The following MACROD2 variants were observed in gnomAD, a reference collection of about 807,000 sequenced individuals.
MACROD2 encodes the protein mono-ADP ribosylhydrolase 2.
MACROD2 carries 36 observed loss-of-function variants against 70.4 expected under a neutral mutation model. The ratio of observed to expected loss-of-function variants is 0.51; its 90% CI spans 0.39 to 0.68. The LOEUF is 0.68. MACROD2 is among the 30% of genes least tolerant of loss of function. The pLI is 0.00. For synonymous variants in MACROD2, 172 were observed against 178.8 expected, an observed-to-expected ratio of 0.96 and a Z score of 0.30; for missense variants, 496 against 538.4, an observed-to-expected ratio of 0.92 and a Z score of 0.78.
intron 4 of MACROD2, among the ~76,000 whole-genome samples, chr20:14,539,748 A>G (rs2085408243): frequency 6.6e-6 from 1 of 152,244 alleles, no homozygotes; most frequent in African/African-American, 2.4e-5. Flanking sequence ...GCTAATGTAT[A>G]GACAATTTAC....
At chr20:14,144,162 T>G (rs185622040) in intron 3 of MACROD2, among the ~76,000 whole-genome samples, 3 of 152,270 alleles carry the variant, frequency 2.0e-5, no homozygotes, top group Admixed American at 1.3e-4. Flanking sequence ...TTTGAGTGTC[T>G]TAAATAATTG....
chr20:14,969,849 T>G (rs1286547225), intron 5 of MACROD2, among the ~76,000 whole-genome samples: 1 of 152,142 alleles, frequency 6.6e-6, no homozygotes, highest in Non-Finnish European at 1.5e-5. Flanking sequence ...TAGAATTGCT[T>G]TAAACATAAA....
At chr20:15,395,657 T>A (rs1039061688) in intron 6 of MACROD2, among the ~76,000 whole-genome samples, 20 of 152,212 alleles carry the variant, frequency 1.3e-4, no homozygotes, top group African/African-American at 4.8e-4. Flanking sequence ...AGCTGTTGTT[T>A]CCCGACCCCC....
At chr20:14,864,392 G>A (rs73089919) in intron 5 of MACROD2, among the ~76,000 whole-genome samples, 255 of 152,122 alleles carry the variant, frequency 1.7e-3, no homozygotes, top group Admixed American at 2.7e-3. Flanking sequence ...CAAGTCCTAT[G>A]ATAGCTTTAT....
At chr20:15,788,136 G>T (rs1044252824) in intron 8 of MACROD2, among the ~76,000 whole-genome samples, 1 of 151,082 alleles carries the variant, frequency 6.6e-6, no homozygotes, top group African/African-American at 2.4e-5. Context: ...CATGAAGGTG[G>T]TAAAGTCACT....
At chr20:15,537,411 C>T (rs1386074631) in intron 8 of MACROD2, among the ~76,000 whole-genome samples, 2 of 150,970 alleles carry the variant, frequency 1.3e-5, no homozygotes, top group East Asian at 3.9e-4. Context: ...TCATTTTGCA[C>T]ATGTTGATTA....
intron 8 of MACROD2, among the ~76,000 whole-genome samples, chr20:15,687,599 G>C (rs2050244681): frequency 6.6e-6 from 1 of 152,104 alleles, no homozygotes; most frequent in Non-Finnish European, 1.5e-5. Context: ...AGCCTCCTCA[G>C]GTTGGCCAGT....
chr20:15,477,664 T>C (rs2047040934), intron 7 of MACROD2, among the ~76,000 whole-genome samples: 1 of 152,122 alleles, frequency 6.6e-6, no homozygotes, highest in Non-Finnish European at 1.5e-5. Flanking sequence ...TTGGAGACTG[T>C]GGTAGCCTGA....
chr20:14,677,305 C>G (rs529746590), intron 4 of MACROD2, among the ~76,000 whole-genome samples: 1 of 152,290 alleles, frequency 6.6e-6, no homozygotes, highest in Admixed American at 6.5e-5. Context: ...ACTCTAAGCT[C>G]CAAGGTAATA....
intron 3 of MACROD2, among the ~76,000 whole-genome samples, chr20:14,101,993 CTTTTTT>C (rs66890047): frequency 1.4e-3 from 35 of 25,052 alleles, no homozygotes; most frequent in African/African-American, 5.3e-3. Context: ...TTTAATGAGT[CTTTTTT>C]TTTTTTTTTT....
intron 2 of MACROD2, among the ~76,000 whole-genome samples, chr20:14,050,107 T>G (rs1338756890): frequency 6.9e-6 from 1 of 145,318 alleles, no homozygotes; most frequent in African/African-American, 2.5e-5. Context: ...AAAAAAAAGC[T>G]CCAAACTGCC....
chr20:14,434,603 C>A (rs1194359254), intron 3 of MACROD2, among the ~76,000 whole-genome samples: 1 of 152,178 alleles, frequency 6.6e-6, no homozygotes, highest in Admixed American at 6.5e-5. Context: ...AAGCACATTG[C>A]TCCATCAGTT....
intron 4 of MACROD2, among the ~76,000 whole-genome samples, chr20:14,662,618 T>C (rs1459492343): frequency 2.0e-5 from 3 of 152,072 alleles, no homozygotes; most frequent in Non-Finnish European, 2.9e-5. Flanking sequence ...TCAGCATCTA[T>C]AAGGAACTTA....
intron 4 of MACROD2, among the ~76,000 whole-genome samples, chr20:14,545,331 A>T (rs1182424043): frequency 6.6e-6 from 1 of 152,118 alleles, no homozygotes; most frequent in Non-Finnish European, 1.5e-5. Context: ...TCCAGTTTTC[A>T]TTCCTCTGAA....
Position 14,550,165 on chromosome 20 carries a change from C to A in MACROD2, c.301+56657C>A, listed in dbSNP as rs144765584. On this transcript the variant is annotated intron_variant, in intron 4 of 17. Coordinates refer to ENST00000684519, the MANE Select transcript of MACROD2 (RefSeq NM_001351661.2). ...CTGGAACTCCTGACCTCAGGTGATC[C>A]GCCTGCCTCGGCTTCCCAAAGTGTT... Among the ~76,000 whole-genome samples, 311 of 152,112 alleles carry A rather than the reference C, an allele frequency of 2.0e-3. 1 individual carries two copies. Among genetic ancestry groups the A allele is most frequent in the African/African-American group, 7.2e-3 (300 of 41,522 alleles).
At chr20:14,400,613 C>T (rs558507198) in intron 3 of MACROD2, among the ~76,000 whole-genome samples, 1 of 152,144 alleles carries the variant, frequency 6.6e-6, no homozygotes, top group Non-Finnish European at 1.5e-5. Context: ...GATCTACCTC[C>T]GTTCCTCCTC....
At chr20:14,568,096 A>G (rs1979926686) in intron 4 of MACROD2, among the ~76,000 whole-genome samples, 1 of 152,136 alleles carries the variant, frequency 6.6e-6, no homozygotes, top group South Asian at 2.1e-4. Flanking sequence ...ACATTTTATT[A>G]GGGCTTTTAG....
intron 6 of MACROD2, among the ~76,000 whole-genome samples, chr20:15,369,811 C>A (rs1236580305): frequency 6.6e-6 from 1 of 151,662 alleles, no homozygotes; most frequent in African/African-American, 2.4e-5. Flanking sequence ...TTTCCTCAAA[C>A]AAACAAATCA....
chr20:15,721,866 A>G (rs1480444388), intron 8 of MACROD2, among the ~76,000 whole-genome samples: 1 of 152,158 alleles, frequency 6.6e-6, no homozygotes, highest in Non-Finnish European at 1.5e-5. Flanking sequence ...GGAGCCCCTG[A>G]TTGCGTCACA....
Sources: gnomAD v4.1 joint callset for allele counts (sites outside exome capture counted in the v4.1 genomes callset) on GRCh38, gnomAD v4.1.1 for gene constraint, MANE v1.5 for transcripts, NCBI Gene and HGNC (gene_info 2026-07-23, HGNC 2026-07-21) for gene names.